CTNNA2: variants seen among roughly 807,000 people sequenced by gnomAD.
The protein encoded by CTNNA2 is catenin alpha 2.
A neutral mutation model predicts 101.0 loss-of-function variants in CTNNA2; 42 were observed. The ratio of observed to expected loss-of-function variants is 0.42; its 90% CI spans 0.32 to 0.54. CTNNA2 has a LOEUF of 0.54. CTNNA2 is among the 20% of genes least tolerant of loss of function. The pLI, the probability that CTNNA2 is intolerant of heterozygous loss-of-function variation, is 0.14. For missense variants in CTNNA2, 871 were observed against 1,223.1 expected, an observed-to-expected ratio of 0.71 and a Z score of 4.29; for synonymous variants, 450 against 456.4, an observed-to-expected ratio of 0.99 and a Z score of 0.18.
intron 6 of CTNNA2, among the ~76,000 whole-genome samples, chr2:79,894,883 G>C (rs1437698761): frequency 2.0e-5 from 3 of 152,126 alleles, no homozygotes; most frequent in Non-Finnish European, 4.4e-5. Context: ...AGAAATATTT[G>C]TTGAATGGCT....
chr2:80,275,704 G>C (rs1291492435), intron 7 of CTNNA2, among the ~76,000 whole-genome samples: 2 of 152,122 alleles, frequency 1.3e-5, no homozygotes, highest in Admixed American at 6.5e-5. Flanking sequence ...ATTTTTCAGA[G>C]AGAGAGAGAA....
chr2:80,050,612 G>C (rs1696815152), intron 7 of CTNNA2, among the ~76,000 whole-genome samples: 1 of 152,224 alleles, frequency 6.6e-6, no homozygotes, highest in Admixed American at 6.5e-5. Flanking sequence ...CCTGCGGGGA[G>C]AGGCCAACAG....
chr2:80,207,219 A>C (rs534920132), intron 7 of CTNNA2, among the ~76,000 whole-genome samples: 1 of 152,338 alleles, frequency 6.6e-6, no homozygotes, highest in South Asian at 2.1e-4. Context: ...TTGAACAAAG[A>C]TTAATTACAG....
intron 7 of CTNNA2, among the ~76,000 whole-genome samples, chr2:80,148,162 T>G (rs933521387): frequency 1.3e-5 from 2 of 152,188 alleles, no homozygotes; most frequent in African/African-American, 4.8e-5. Flanking sequence ...TTCAGTTGAG[T>G]TGGTAGAATC....
intron 9 of CTNNA2, among the ~76,000 whole-genome samples, chr2:80,431,121 C>G (rs1248798948): frequency 6.6e-6 from 1 of 152,140 alleles, no homozygotes; most frequent in Admixed American, 6.5e-5. Context: ...AGCCTTCTAG[C>G]CAGCCTGAAG....
intron 7 of CTNNA2, chr2:80,299,597 A>C (rs1676062894): frequency 6.6e-6 from 1 of 152,222 alleles, no homozygotes; most frequent in Admixed American, 6.5e-5. Flanking sequence ...GTATGGACTT[A>C]AGATCTTCTA....
intron 4 of CTNNA2, among the ~76,000 whole-genome samples, chr2:79,433,639 A>C (rs1678680137): frequency 6.6e-6 from 1 of 151,408 alleles, no homozygotes; most frequent in African/African-American, 2.4e-5. Context: ...AAAAAAAAAA[A>C]AAAAAAAAAC....
At chr2:80,026,246 G>T (rs951425694) in intron 7 of CTNNA2, among the ~76,000 whole-genome samples, 1 of 152,070 alleles carries the variant, frequency 6.6e-6, no homozygotes, top group Admixed American at 6.6e-5. Context: ...CAGAGAGGCC[G>T]GTATGACTGG....
At chr2:80,150,104 G>A (rs1035294436) in intron 7 of CTNNA2, among the ~76,000 whole-genome samples, 9 of 152,222 alleles carry the variant, frequency 5.9e-5, no homozygotes, top group Middle Eastern at 3.4e-3. Flanking sequence ...GCCACACTGT[G>A]GAAAATCTTT....
intron 3 of CTNNA2, among the ~76,000 whole-genome samples, chr2:79,792,231 T>TG (rs1675330020): frequency 6.6e-6 from 1 of 152,196 alleles, no homozygotes; most frequent in Non-Finnish European, 1.5e-5. Flanking sequence ...GCAGAGGCAC[T>TG]GGGTACTCTT....
chr2:79,247,742 G>T (rs140292887), intron 2 of CTNNA2, among the ~76,000 whole-genome samples: 1 of 152,146 alleles, frequency 6.6e-6, no homozygotes, highest in Non-Finnish European at 1.5e-5. Context: ...TGGGCCCAAA[G>T]GTGAAGTAAA....
At chr2:79,929,344 T>C (rs1687233381) in intron 7 of CTNNA2, among the ~76,000 whole-genome samples, 1 of 152,156 alleles carries the variant, frequency 6.6e-6, no homozygotes, top group Admixed American at 6.5e-5. Context: ...TGCCTTCAAA[T>C]ATTTAAAGAA....
chr2:80,386,482 C>A (rs6547309), intron 7 of CTNNA2, among the ~76,000 whole-genome samples: 76,891 of 152,044 alleles, frequency 0.51, 22,763 homozygotes, highest in African/African-American at 0.84. Flanking sequence ...GCTATTTGTA[C>A]TAAGGATATG....
At chr2:80,053,586 A>G (rs988239088) in intron 7 of CTNNA2, among the ~76,000 whole-genome samples, 3 of 152,166 alleles carry the variant, frequency 2.0e-5, no homozygotes, top group African/African-American at 7.2e-5. Context: ...CAAACTGTCA[A>G]CAGTGCAAAG....
intron 2 of CTNNA2, among the ~76,000 whole-genome samples, chr2:79,302,288 C>T (rs1346834813): frequency 6.6e-6 from 1 of 152,060 alleles, no homozygotes; most frequent in Non-Finnish European, 1.5e-5. Flanking sequence ...CCTATTCATT[C>T]TCTCCTTGGC....
intron 3 of CTNNA2, among the ~76,000 whole-genome samples, chr2:79,334,398 G>A (rs1676945990): frequency 6.6e-6 from 1 of 152,008 alleles, no homozygotes; most frequent in Non-Finnish European, 1.5e-5. Flanking sequence ...TTTATTGGAT[G>A]ATGTACAGAA....
At chr2:80,565,931 G>T (rs1044069782) in intron 12 of CTNNA2, among the ~76,000 whole-genome samples, 14 of 152,104 alleles carry the variant, frequency 9.2e-5, no homozygotes, top group African/African-American at 3.4e-4. Context: ...GTTTAATAAC[G>T]TGTAAAATTA....
At chr2:80,424,336 C>T (rs7557554) in intron 9 of CTNNA2, among the ~76,000 whole-genome samples, 60,712 of 152,106 alleles carry the variant, frequency 0.4, 15,910 homozygotes, top group African/African-American at 0.73. Flanking sequence ...TGCCATGTTT[C>T]ATATTATTGA....
chr2:80,361,717 T>G (rs13015546), intron 7 of CTNNA2, among the ~76,000 whole-genome samples: 1 of 152,134 alleles, frequency 6.6e-6, no homozygotes, highest in East Asian at 1.9e-4. Flanking sequence ...CCATCTGTTG[T>G]TTATTATGTG....
Sources: gnomAD v4.1 joint callset for allele counts (sites outside exome capture counted in the v4.1 genomes callset) on GRCh38, gnomAD v4.1.1 for gene constraint, MANE v1.5 for transcripts, NCBI Gene and HGNC (gene_info 2026-07-23, HGNC 2026-07-21) for gene names.